PRKCA: variants seen among roughly 807,000 people sequenced by gnomAD.
PRKCA encodes protein kinase C alpha type.
In PRKCA, 27 loss-of-function variants were observed where a neutral mutation model predicts 87.0. The ratio of observed to expected loss-of-function variants is 0.31; its 90% CI spans 0.23 to 0.43. PRKCA has a LOEUF of 0.43. Ranked by LOEUF, PRKCA falls within the 20% of genes least tolerant of loss-of-function variation. PRKCA has a pLI of 1.00. For missense variants in PRKCA, 518 were observed against 852.3 expected, an observed-to-expected ratio of 0.61 and a Z score of 4.88; for synonymous variants, 329 against 311.1, an observed-to-expected ratio of 1.06 and a Z score of -0.61.
chr17:66,318,645 G>A (rs1598587500), intron 2 of PRKCA, among the ~76,000 whole-genome samples: 1 of 152,044 alleles, frequency 6.6e-6, no homozygotes, highest in African/African-American at 2.4e-5. Context: ...GCTTGAGGTC[G>A]GTAGTTTGAG....
intron 16 of PRKCA, among the ~76,000 whole-genome samples, chr17:66,799,865 T>C (rs1224023780): frequency 1.3e-5 from 2 of 152,014 alleles, no homozygotes; most frequent in Non-Finnish European, 2.9e-5. Context: ...AAGGAGACGA[T>C]GTTTCTCACC....
At chr17:66,450,063 T>C (rs890453672) in intron 2 of PRKCA, among the ~76,000 whole-genome samples, 1 of 152,032 alleles carries the variant, frequency 6.6e-6, no homozygotes, top group Non-Finnish European at 1.5e-5. Context: ...TAGAATGTCA[T>C]TGGAAAGAGT....
intron 3 of PRKCA, among the ~76,000 whole-genome samples, chr17:66,522,716 C>A (rs933358309): frequency 5.3e-5 from 8 of 151,794 alleles, no homozygotes; most frequent in Non-Finnish European, 1.2e-4. Flanking sequence ...GCAGTGAAAA[C>A]CATAGTGTCT....
chr17:66,736,715 T>C (rs1470369696), intron 10 of PRKCA, among the ~76,000 whole-genome samples: 1 of 152,206 alleles, frequency 6.6e-6, no homozygotes, highest in Non-Finnish European at 1.5e-5. Flanking sequence ...CTATTCTCTA[T>C]GGCTTGTGAG....
chr17:66,450,581 G>A (rs1020426324), intron 2 of PRKCA, among the ~76,000 whole-genome samples: 3 of 142,650 alleles, frequency 2.1e-5, no homozygotes, highest in African/African-American at 4.9e-5. Flanking sequence ...GAAACAGAAA[G>A]CTGCGGTTGG....
At chr17:66,591,870 A>G (rs904647146) in intron 3 of PRKCA, among the ~76,000 whole-genome samples, 5 of 151,888 alleles carry the variant, frequency 3.3e-5, no homozygotes, top group Non-Finnish European at 7.4e-5. Flanking sequence ...GAGAGCAGTC[A>G]TCCCTGCCGA....
In PRKCA at chr17:66,395,264, A is replaced by G. The variant is rs35276950; in HGVS notation, c.205+89137A>G. 4.3e-3 allele frequency among the ~76,000 whole-genome samples: 653 copies of G among 152,340 alleles called. 5 individuals are homozygous for G. Among genetic ancestry groups the G allele is most frequent in the South Asian group, 0.021 (102 of 4,826 alleles). ...TGATGGCTTAGAACAGCAGAGTGGA[A>G]TGGAGATCCAATGCAAGATGTGCAA... On this transcript the variant is annotated intron_variant, in intron 2 of 16. Coordinates refer to ENST00000413366, the MANE Select transcript of PRKCA (RefSeq NM_002737.3).
intron 8 of PRKCA, among the ~76,000 whole-genome samples, chr17:66,690,954 G>A (rs1184665102): frequency 6.6e-6 from 1 of 152,100 alleles, no homozygotes; most frequent in Admixed American, 6.5e-5. Flanking sequence ...AATCAGCCTG[G>A]GCAACATGGC....
chr17:66,657,275 A>G (rs1971760318), intron 5 of PRKCA, among the ~76,000 whole-genome samples: 1 of 152,246 alleles, frequency 6.6e-6, no homozygotes, highest in South Asian at 2.1e-4. Context: ...AATTAAAGAT[A>G]GTCAGGGTCC....
chr17:66,480,535 G>A (rs921222303), intron 2 of PRKCA, among the ~76,000 whole-genome samples: 2 of 152,150 alleles, frequency 1.3e-5, no homozygotes, highest in South Asian at 2.1e-4. Context: ...GAAAGTTTCC[G>A]CATGTATTTG....
intron 3 of PRKCA, among the ~76,000 whole-genome samples, chr17:66,498,445 G>A (rs1312601320): frequency 1.3e-5 from 2 of 152,130 alleles, no homozygotes; most frequent in Admixed American, 1.3e-4. Context: ...TTCAGGATGT[G>A]AGTAGTTTGT....
At chr17:66,791,228 G>C (rs1410348942) in intron 16 of PRKCA, among the ~76,000 whole-genome samples, 1 of 146,896 alleles carries the variant, frequency 6.8e-6, no homozygotes, top group Non-Finnish European at 1.5e-5. Flanking sequence ...TGAAGAAATA[G>C]CCCCTGAACT....
Position 66,307,605 on chromosome 17 carries a change from G to A in PRKCA, c.205+1478G>A, listed in dbSNP as rs182608969. Among the ~76,000 whole-genome samples the A allele has an allele frequency of 2.0e-5, 3 of 152,208 alleles. No individual in the cohort carries two copies. In the East Asian group the frequency reaches 5.8e-4, roughly 29 times the overall value. ...CATTTTCTGCATAAATAAAAAATAA[G>A]GTTGATTAGAATAAGGTTGGTTCCT... On this transcript the variant is annotated intron_variant, in intron 2 of 16. Coordinates refer to ENST00000413366, the MANE Select transcript of PRKCA (RefSeq NM_002737.3).
intron 2 of PRKCA, among the ~76,000 whole-genome samples, chr17:66,374,536 C>T (rs1567796360): frequency 6.6e-6 from 1 of 152,138 alleles, no homozygotes; most frequent in East Asian, 1.9e-4. Context: ...ATCCTCCATT[C>T]CCCTTTGCAC....
At chr17:66,771,300 T>C (rs1444053149) in intron 13 of PRKCA, among the ~76,000 whole-genome samples, 1 of 152,176 alleles carries the variant, frequency 6.6e-6, no homozygotes, top group Non-Finnish European at 1.5e-5. Flanking sequence ...CCACTGCCCC[T>C]GGCCAGCAAT....
intron 2 of PRKCA, among the ~76,000 whole-genome samples, chr17:66,312,015 C>T (rs1249806646): frequency 6.6e-6 from 1 of 152,136 alleles, no homozygotes; most frequent in African/African-American, 2.4e-5. Flanking sequence ...GAGTCTCGCT[C>T]TTGTCTCCCA....
intron 3 of PRKCA, among the ~76,000 whole-genome samples, chr17:66,551,597 A>G (rs991102676): frequency 6.6e-5 from 10 of 152,162 alleles, no homozygotes; most frequent in African/African-American, 7.2e-5. Context: ...CTTTTGCTAT[A>G]TTCCATATAC....
intron 2 of PRKCA, among the ~76,000 whole-genome samples, chr17:66,417,109 A>AG (rs1215783529): frequency 6.6e-6 from 1 of 152,070 alleles, no homozygotes; most frequent in Non-Finnish European, 1.5e-5. Context: ...CATGTTGGCC[A>AG]GGCTGGTCTC....
At chr17:66,533,010 G>A (rs1262302345) in intron 3 of PRKCA, among the ~76,000 whole-genome samples, 2 of 152,210 alleles carry the variant, frequency 1.3e-5, no homozygotes, top group Admixed American at 1.3e-4. Context: ...ATACTGGAAG[G>A]CAATTGTAAC....
Sources: gnomAD v4.1 joint callset for allele counts (sites outside exome capture counted in the v4.1 genomes callset) on GRCh38, gnomAD v4.1.1 for gene constraint, MANE v1.5 for transcripts, NCBI Gene and HGNC (gene_info 2026-07-23, HGNC 2026-07-21) for gene names.